Variants in UNK observed in about 807,000 individuals in gnomAD.
The protein encoded by UNK is RING finger protein unkempt homolog.
In UNK, 32 loss-of-function variants were observed where a neutral mutation model predicts 97.6. That is an observed-to-expected ratio of 0.33 (90% CI 0.25 to 0.44). UNK has a LOEUF of 0.44. Among genes scored for constraint, UNK ranks in the 20% least tolerant of loss-of-function variants. UNK has a pLI of 1.00. For missense variants in UNK, 771 were observed against 1,098.4 expected (o/e 0.70, Z 4.21); for synonymous variants, 441 against 461.2 (o/e 0.96, Z 0.56).
At position 75,817,006 on chromosome 17, in the gene UNK, C is replaced by G; in HGVS notation, c.1104+94C>G. On this transcript the variant is annotated intron_variant, in intron 8 of 15. Coordinates refer to ENST00000589666, the MANE Select transcript of UNK (RefSeq NM_001080419.3). The surrounding 1 kb of genome is among the most constrained non-coding windows in gnomAD (Gnocchi z 5.8). ...TTTCAGCCTGGGCTTGGGAGACCAT[C>G]CTGGTATTTGTCCTCAGGCCAGGGG... 1 of 1,461,096 alleles carries G rather than the reference C, an allele frequency of 6.8e-7. No individual in the cohort carries two copies. Among genetic ancestry groups the G allele is most frequent in the East Asian group, 2.5e-5 (1 of 40,492 alleles). 90.5% of individuals were successfully genotyped at this position (1,461,096 alleles called of 1,614,324 possible). A position where few individuals can be genotyped will look rare whatever the true frequency, so the allele number is the denominator to read the frequency against.
chr17:75,812,045 AG>A, intron 2 of UNK, 66 bp from the exon 3 acceptor site: 2 of 1,502,418 alleles, frequency 1.3e-6, no homozygotes, highest in Non-Finnish European at 1.8e-6. Flanking sequence ...GGGTAAGGGC[AG>A]GGGGTAGGCA....
chr17:75,794,219 C>A, intron 1 of UNK: 2 of 947,852 alleles, frequency 2.1e-6, no homozygotes, highest in Non-Finnish European at 2.5e-6. Flanking sequence ...TTTATTTCAG[C>A]AACTTATTTT....
intron 1 of UNK, among the ~76,000 whole-genome samples, chr17:75,794,638 CA>C (rs57508407): frequency 3.8e-3 from 464 of 123,174 alleles, no homozygotes; most frequent in East Asian, 4.9e-3. Context: ...AACTCCGTCT[CA>C]AAAAAAAAAA....
In UNK at chr17:75,824,263, C is replaced by T. The variant is rs539363096; in HGVS notation, c.2279C>T (p.Ala760Val). ...LRAHLEQVDK[A>V]VFHMQSVKCL... ...ACCACGATGCCCCTTTCCCTGCAGG[C>T]CGTGTTCCACATGCAGTCGGTGAAA... The change falls in exon 16 of 16, where the codon GCC becomes GTC. Residue 760 changes from alanine to valine, a missense_variant and splice_region_variant. Ala to Val is a moderately conservative substitution (Grantham distance 64). This residue lies in a region of UNK where 208 missense variants were observed against 257.4 expected (regional missense o/e 0.81). Transcript: ENST00000589666. The surrounding 1 kb of genome is among the most constrained non-coding windows in gnomAD (Gnocchi z 4.9). 2 of 1,591,150 alleles carry T rather than the reference C, an allele frequency of 1.3e-6. No individual in the cohort carries two copies. Among genetic ancestry groups the T allele is most frequent in the East Asian group, 2.4e-5 (1 of 42,534 alleles).
At position 75,823,401 on chromosome 17, in the gene UNK, G is replaced by A. The variant is rs374268970; in HGVS notation, c.2156G>A (p.Arg719Gln). 29 of 1,606,144 alleles carry A rather than the reference G, an allele frequency of 1.8e-5. No individual in the cohort carries two copies. The highest frequency in any genetic ancestry group is 4.5e-5 in the East Asian group (2 of 44,640). Residue 719 changes from arginine to glutamine, a missense_variant, in exon 15 of 16, where the codon CGG (arginine) becomes CAG (glutamine). Arg to Gln is a conservative substitution (Grantham distance 43). This residue lies in a region of UNK where 208 missense variants were observed against 257.4 expected (regional missense o/e 0.81). Transcript: ENST00000589666. ...AAGAAGCTCCAGGAGGAGCTGGAGCGGCTACACGCGGGGCCTGAGCCCCAG... is the reference window on the plus strand; with the variant it reads ...AAGAAGCTCCAGGAGGAGCTGGAGCAGCTACACGCGGGGCCTGAGCCCCAG... ...QVKKLQEELERLHAGPEPQAL... is the reference protein window; with the variant it reads ...QVKKLQEELEQLHAGPEPQAL...
intron 4 of UNK, 148 bp downstream of exon 4, chr17:75,812,733 C>A: frequency 7.9e-7 from 1 of 1,272,812 alleles, no homozygotes; most frequent in Non-Finnish European, 1.0e-6. Context: ...TCAAAAGGCG[C>A]CTCTAGGGGC....
intron 15 of UNK, among the ~76,000 whole-genome samples, chr17:75,823,865 C>T (rs1364747817): frequency 2.6e-5 from 4 of 152,230 alleles, no homozygotes; most frequent in African/African-American, 9.6e-5. Context: ...AGGGCTACCC[C>T]TGCCTTCCCA....
At position 75,818,607 on chromosome 17, in the gene UNK, T is replaced by C. The variant is rs1271408718; in HGVS notation, c.1372-35T>C. 1.3e-6 allele frequency: 2 copies of C among 1,561,318 alleles called. No individual in the cohort carries two copies. Among genetic ancestry groups the C allele is most frequent in the South Asian group, 1.2e-5 (1 of 83,834 alleles). On this transcript the variant is annotated intron_variant, in intron 10 of 15. Transcript: ENST00000589666. The surrounding 1 kb of genome is among the most constrained non-coding windows in gnomAD (Gnocchi z 5.1). ...TCGTCCTGGCCTCCGTATGCAGGCC[T>C]ACCATTGCTTCTCCTCTTCCCTCTC...
At chr17:75,815,845 C>T (rs1051294645) in intron 7 of UNK, among the ~76,000 whole-genome samples, 5 of 149,250 alleles carry the variant, frequency 3.4e-5, no homozygotes, top group African/African-American at 7.5e-5. Flanking sequence ...GAGATCATGC[C>T]GCCGCACTCC....
intron 1 of UNK, among the ~76,000 whole-genome samples, chr17:75,807,781 G>A (rs2061932360): frequency 6.6e-6 from 1 of 151,180 alleles, no homozygotes; most frequent in African/African-American, 2.4e-5. Flanking sequence ...TAGAGACCGG[G>A]TTTCAGCAGT....
Position 75,823,447 on chromosome 17 carries a change from C to T in UNK, c.2202C>T (p.Asp734=), listed in dbSNP as rs1239953217. ...PEPQALPAFS[D]LEALSLSTLY... The stretch of plus-strand genomic sequence containing the variant: ...CCCAGGCCCTGCCCGCCTTCTCCGA[C>T]CTGGAGGCGCTCTCACTCTCCACCC... Residue 734 remains aspartate, a synonymous_variant, in exon 15 of 16, where the codon GAC becomes GAT. Coordinates refer to ENST00000589666, the MANE Select transcript of UNK (RefSeq NM_001080419.3). 6 of 1,584,658 alleles carry T rather than the reference C, an allele frequency of 3.8e-6. No individual in the cohort carries two copies. The East Asian group carries it at 1.4e-4, about 36-fold the overall frequency.
chr17:75,796,718 T>G (rs558105272), intron 1 of UNK, among the ~76,000 whole-genome samples: 1 of 152,348 alleles, frequency 6.6e-6, no homozygotes, highest in Non-Finnish European at 1.5e-5. Context: ...TGTATGTATA[T>G]CCTTATAAAT....
chr17:75,812,720 C>A, intron 4 of UNK, 135 bp downstream of exon 4: 1 of 1,347,844 alleles, frequency 7.4e-7, no homozygotes, highest in Non-Finnish European at 9.8e-7. Flanking sequence ...CTACACCCAC[C>A]ATTCAAAAGG....
At chr17:75,822,825 G>GTCAGGAC (rs1409951690) in intron 14 of UNK, among the ~76,000 whole-genome samples, 167 bp downstream of exon 14, 1 of 152,266 alleles carries the variant, frequency 6.6e-6, no homozygotes, top group Non-Finnish European at 1.5e-5. Context: ...CGCTTTGCCA[G>GTCAGGAC]TCAGGACCCT....
intron 1 of UNK, chr17:75,791,985 C>T (rs988292982): frequency 3.0e-6 from 3 of 985,338 alleles, no homozygotes; most frequent in African/African-American, 1.7e-5. Context: ...TGGACCTACA[C>T]GTCCTCCCGC....
intron 1 of UNK, among the ~76,000 whole-genome samples, chr17:75,798,287 G>T (rs2061825009): frequency 6.6e-6 from 1 of 152,018 alleles, no homozygotes; most frequent in African/African-American, 2.4e-5. Flanking sequence ...GGCCAGGCTG[G>T]TCTCGAACTG....
Position 75,818,029 on chromosome 17 carries a change from G to A in UNK, c.1306-74G>A, listed in dbSNP as rs2062032619. The A allele has an allele frequency of 7.4e-6, 11 of 1,480,546 alleles. No individual in the cohort carries two copies. Among genetic ancestry groups the A allele is most frequent in the South Asian group, 1.1e-5 (1 of 87,878 alleles). The allele number at this position is 1,480,546 out of a possible 1,614,324, so 91.7% of individuals were successfully genotyped here. Reference sequence around the variant, plus strand: ...TGCCACCACCTGCCCCCTGGTACCTGCAGCCTCAGGGTCAGATGGACTCAG... The same window carrying A: ...TGCCACCACCTGCCCCCTGGTACCTACAGCCTCAGGGTCAGATGGACTCAG... On this transcript the variant is annotated intron_variant, in intron 9 of 15. Transcript: ENST00000589666. The surrounding 1 kb of genome is among the most constrained non-coding windows in gnomAD (Gnocchi z 5.1).
At chr17:75,794,087 T>C (rs927013260) in intron 1 of UNK, 1 of 984,644 alleles carries the variant, frequency 1.0e-6, no homozygotes, top group African/African-American at 1.7e-5. Flanking sequence ...GACTGGTACT[T>C]GTATTTCCTG....
intron 1 of UNK, among the ~76,000 whole-genome samples, chr17:75,791,135 G>A (rs1162891681): frequency 1.3e-5 from 2 of 152,098 alleles, no homozygotes; most frequent in African/African-American, 4.8e-5. Context: ...TGAAATTCTA[G>A]TTTAGTGAAG....
Sources: allele counts gnomAD v4.1 joint callset (sites outside exome capture counted in the v4.1 genomes callset), GRCh38; gene constraint gnomAD v4.1.1; regional missense constraint gnomAD v4.1.1; non-coding constraint Gnocchi (gnomAD v3.1); transcripts MANE v1.5; gene names NCBI Gene and HGNC (gene_info 2026-07-23, HGNC 2026-07-21).